Variants in MECOM observed in about 807,000 individuals in gnomAD.
MECOM encodes the protein MDS1 and EVI1 complex locus, also known as histone-lysine N-methyltransferase MECOM.
A neutral mutation model predicts 116.3 loss-of-function variants in MECOM; 13 were observed. That is an observed-to-expected ratio of 0.11 (90% CI 0.07 to 0.18). The LOEUF (loss-of-function observed/expected upper bound fraction) is 0.18, where lower values mean the gene tolerates loss of function less well. Ranked by LOEUF, MECOM falls within the 10% of genes least tolerant of loss-of-function variation. The pLI is 1.00. For synonymous variants in MECOM, 528 were observed against 535.2 expected (o/e 0.99, Z 0.19); for missense variants, 1,299 against 1,509.0 (o/e 0.86, Z 2.31).
intron 2 of MECOM, among the ~76,000 whole-genome samples, chr3:169,212,674 A>ACACTGGC (rs1750918303): frequency 8.6e-6 from 1 of 116,646 alleles, no homozygotes; most frequent in Non-Finnish European, 1.8e-5. Flanking sequence ...ATATATATAT[A>ACACTGGC]TATATATATA....
intron 12 of MECOM, among the ~76,000 whole-genome samples, chr3:169,097,800 G>A (rs1722094603): frequency 1.2e-5 from 1 of 84,060 alleles, no homozygotes; most frequent in Non-Finnish European, 2.3e-5. Context: ...GCAACAGAGT[G>A]AGACCTACTG....
At chr3:169,240,887 G>T (rs1222157336) in intron 2 of MECOM, among the ~76,000 whole-genome samples, 3 of 152,156 alleles carry the variant, frequency 2.0e-5, no homozygotes, top group African/African-American at 7.2e-5. Context: ...TCTCCTGTGA[G>T]AAAGGCTTAA....
At chr3:169,402,279 T>C (rs1001597882) in intron 1 of MECOM, among the ~76,000 whole-genome samples, 2 of 152,008 alleles carry the variant, frequency 1.3e-5, no homozygotes, top group Non-Finnish European at 2.9e-5. Flanking sequence ...AGAGAGAAGA[T>C]TGGAATACTG....
chr3:169,590,719 C>T (rs1286252578), intron 1 of MECOM, among the ~76,000 whole-genome samples: 1 of 152,194 alleles, frequency 6.6e-6, no homozygotes, highest in Admixed American at 6.5e-5. Flanking sequence ...AAAGTCCACG[C>T]ACTGCCACTT....
At chr3:169,633,407 T>C (rs1318372031) in intron 1 of MECOM, among the ~76,000 whole-genome samples, 2 of 152,198 alleles carry the variant, frequency 1.3e-5, no homozygotes, top group South Asian at 2.1e-4. Context: ...TAGCAGAAGA[T>C]AGATGTGTGC....
In MECOM at chr3:169,438,328, A is replaced by G. The variant is rs78414281; in HGVS notation, c.38-56804T>C. Among the ~76,000 whole-genome samples the G allele has an allele frequency of 3.6e-3, 551 of 152,294 alleles. 7 individuals are homozygous for G. The East Asian group carries it at 0.048, about 13-fold the overall frequency. On this transcript the variant is annotated intron_variant, in intron 1 of 16. Coordinates refer to ENST00000651503, the MANE Select transcript of MECOM (RefSeq NM_004991.4). The stretch of plus-strand genomic sequence containing the variant: ...CTGAGTCAAAATTTGACATTCAAAC[A>G]TTCTTAATTGCACCAGCAGACCCTG...
chr3:169,217,095 C>T (rs891844011), intron 2 of MECOM, among the ~76,000 whole-genome samples: 3 of 152,110 alleles, frequency 2.0e-5, no homozygotes, highest in Non-Finnish European at 4.4e-5. Flanking sequence ...GGTGGATGAT[C>T]CGCAGATAGC....
At chr3:169,604,293 C>T (rs976945372) in intron 1 of MECOM, among the ~76,000 whole-genome samples, 10 of 151,888 alleles carry the variant, frequency 6.6e-5, no homozygotes, top group South Asian at 2.1e-4. Context: ...CCCTCCTTCT[C>T]TCATTCACAT....
In MECOM at chr3:169,381,279, A is replaced by G. The variant is rs1411196816; in HGVS notation, c.283T>C (p.Trp95Arg). Residue 95 changes from tryptophan to arginine, a missense_variant, in exon 2 of 17, where the codon TGG becomes CGG. Physicochemically the swap from Trp to Arg is moderately radical, Grantham distance 101. Transcript: ENST00000651503. ...CCTACTTCGATCTTCCTTTTGGTCC[A>G]TATTCCTAGTCCTGCCCCAGGCATA... ...SNMPGAGLGIWTKRKIEVGEK... is the reference protein window; with the variant it reads ...SNMPGAGLGIRTKRKIEVGEK... The G allele has an allele frequency of 4.3e-6, 7 of 1,613,768 alleles. 1 individual carries two copies. Among genetic ancestry groups the G allele is most frequent in the Non-Finnish European group, 3.4e-6 (4 of 1,179,830 alleles).
At chr3:169,145,240 C>T (rs1044355662) in intron 2 of MECOM, 5 of 493,046 alleles carry the variant, frequency 1.0e-5, no homozygotes, top group South Asian at 3.7e-5. Flanking sequence ...ACACTAACAA[C>T]GACAGAAGTG....
intron 1 of MECOM, among the ~76,000 whole-genome samples, chr3:169,437,199 A>G (rs1742802219): frequency 6.6e-6 from 1 of 152,196 alleles, no homozygotes; most frequent in Admixed American, 6.5e-5. Flanking sequence ...CCACTGTCAT[A>G]AATCTAATTG....
At chr3:169,216,169 G>T (rs1474185841) in intron 2 of MECOM, among the ~76,000 whole-genome samples, 1 of 152,194 alleles carries the variant, frequency 6.6e-6, no homozygotes, top group African/African-American at 2.4e-5. Flanking sequence ...CAATAGGGAA[G>T]TTTTCTGGCT....
intron 2 of MECOM, among the ~76,000 whole-genome samples, chr3:169,263,285 T>A (rs1361275293): frequency 6.6e-6 from 1 of 150,666 alleles, no homozygotes; most frequent in Non-Finnish European, 1.5e-5. Flanking sequence ...CCCGCCACCA[T>A]GCTCGGTTAA....
intron 2 of MECOM, among the ~76,000 whole-genome samples, chr3:169,327,556 T>G (rs1468356312): frequency 6.8e-6 from 1 of 147,044 alleles, no homozygotes; most frequent in African/African-American, 2.5e-5. Flanking sequence ...GAGAATTGCT[T>G]GAAGCCAGGA....
chr3:169,394,886 A>G (rs1264738292), intron 1 of MECOM, among the ~76,000 whole-genome samples: 3 of 152,218 alleles, frequency 2.0e-5, no homozygotes, highest in African/African-American at 7.2e-5. Context: ...AGAGTAGGGC[A>G]TATCTGCATT....
chr3:169,298,485 T>A (rs1716067817), intron 2 of MECOM, among the ~76,000 whole-genome samples: 2 of 151,898 alleles, frequency 1.3e-5, no homozygotes, highest in African/African-American at 2.4e-5. Flanking sequence ...TATTTCCATC[T>A]ATTTATATAT....
chr3:169,528,071 A>G (rs2109125996), intron 1 of MECOM, among the ~76,000 whole-genome samples: 1 of 152,336 alleles, frequency 6.6e-6, no homozygotes, highest in Admixed American at 6.5e-5. Flanking sequence ...CCTCATGGGA[A>G]CAGACTTCCT....
At chr3:169,152,227 C>CT (rs1284708144) in intron 2 of MECOM, among the ~76,000 whole-genome samples, 3 of 151,908 alleles carry the variant, frequency 2.0e-5, no homozygotes, top group South Asian at 4.2e-4. Flanking sequence ...TGGACTCTGC[C>CT]TTTTTTTATT....
intron 16 of MECOM, among the ~76,000 whole-genome samples, chr3:169,088,649 AG>A (rs1420514066): frequency 1.3e-5 from 2 of 152,198 alleles, no homozygotes; most frequent in East Asian, 3.8e-4. Context: ...CATTGACAAA[AG>A]TATAGACACG....
Sources: allele counts gnomAD v4.1 joint callset (sites outside exome capture counted in the v4.1 genomes callset), GRCh38; gene constraint gnomAD v4.1.1; transcripts MANE v1.5; gene names NCBI Gene and HGNC (gene_info 2026-07-23, HGNC 2026-07-21).